OSBPL1A: variants seen among roughly 807,000 people sequenced by gnomAD.
The protein encoded by OSBPL1A is oxysterol-binding protein-related protein 1.
In OSBPL1A, 80 loss-of-function variants were observed where a neutral mutation model predicts 137.1. That is an observed-to-expected ratio of 0.58 (90% CI 0.49 to 0.70). The LOEUF (loss-of-function observed/expected upper bound fraction) is 0.70, where lower values mean the gene tolerates loss of function less well. OSBPL1A is among the 30% of genes least tolerant of loss of function. OSBPL1A has a pLI of 0.00. For synonymous variants in OSBPL1A, 365 were observed against 389.7 expected, an observed-to-expected ratio of 0.94 and a Z score of 0.75; for missense variants, 970 against 1,129.4, an observed-to-expected ratio of 0.86 and a Z score of 2.02.
intron 27 of OSBPL1A, among the ~76,000 whole-genome samples, chr18:24,163,682 C>G (rs2086073032): frequency 6.6e-6 from 1 of 151,748 alleles, no homozygotes; most frequent in African/African-American, 2.4e-5. Context: ...TACAGCATAC[C>G]CACAGCAGTA....
At chr18:24,364,251 C>T (rs1289329604) in intron 4 of OSBPL1A, among the ~76,000 whole-genome samples, 1 of 152,126 alleles carries the variant, frequency 6.6e-6, no homozygotes, top group Non-Finnish European at 1.5e-5. Flanking sequence ...CTGGGAAACT[C>T]CACACATTTG....
chr18:24,193,701 C>G (rs1272288116), intron 18 of OSBPL1A, among the ~76,000 whole-genome samples: 1 of 152,126 alleles, frequency 6.6e-6, no homozygotes, highest in African/African-American at 2.4e-5. Flanking sequence ...GAACATTTGT[C>G]TCCTATGAAC....
In OSBPL1A at chr18:24,181,183, T is replaced by C. The variant is rs146249824; in HGVS notation, c.1774A>G (p.Lys592Glu). The change falls in exon 19 of 28, where the codon AAG (lysine) becomes GAG (glutamate). Residue 592 changes from lysine (K) to glutamate (E), a missense_variant. Transcript: ENST00000319481. ...ACAGGATCAGAGAGTGAACTGGCCT[T>C]GTGGATGAGGTAAGTATGCTCCATG... ...EYMEHTYLIH[K>E]ASSLSDPVER... 2.5e-5 allele frequency: 40 copies of C among 1,614,014 alleles called. No homozygotes were observed. The African/African-American group carries it at 5.3e-4, about 22-fold the overall frequency.
intron 15 of OSBPL1A, among the ~76,000 whole-genome samples, chr18:24,272,934 C>G (rs1298289248): frequency 6.6e-6 from 1 of 152,088 alleles, no homozygotes; most frequent in Non-Finnish European, 1.5e-5. Context: ...GAGACAGAGT[C>G]TTGCTCTGTC....
At chr18:24,179,396 T>C (rs2086535937) in intron 20 of OSBPL1A, 1 of 248,754 alleles carries the variant, frequency 4.0e-6, no homozygotes, top group African/African-American at 2.3e-5. Flanking sequence ...GATATGTAAC[T>C]AACCTGCACA....
chr18:24,171,178 T>TGTGG (rs1455715000), intron 23 of OSBPL1A, among the ~76,000 whole-genome samples: 1 of 151,790 alleles, frequency 6.6e-6, no homozygotes, highest in African/African-American at 2.4e-5. Flanking sequence ...GGATTACAGG[T>TGTGG]GTCCACCACC....
chr18:24,200,250 A>G (rs944450281), intron 17 of OSBPL1A, among the ~76,000 whole-genome samples: 4 of 152,148 alleles, frequency 2.6e-5, no homozygotes, highest in Admixed American at 2.6e-4. Context: ...TCATTTTACA[A>G]CTGATGTTAA....
intron 4 of OSBPL1A, among the ~76,000 whole-genome samples, chr18:24,355,346 A>G (rs2091515186): frequency 6.6e-6 from 1 of 151,638 alleles, no homozygotes; most frequent in Non-Finnish European, 1.5e-5. Context: ...TACTAAAAAT[A>G]CAAAAAATAG....
At chr18:24,264,478 T>C (rs1031331084) in intron 15 of OSBPL1A, among the ~76,000 whole-genome samples, 1 of 152,128 alleles carries the variant, frequency 6.6e-6, no homozygotes, top group African/African-American at 2.4e-5. Context: ...CAAGAAAACA[T>C]AGTCCAGGCT....
intron 17 of OSBPL1A, among the ~76,000 whole-genome samples, chr18:24,208,397 G>A (rs1682499078): frequency 6.6e-6 from 1 of 152,114 alleles, no homozygotes; most frequent in Admixed American, 6.5e-5. Context: ...CTCACCACTG[G>A]ATAAATACAT....
At chr18:24,175,107 T>TATATATATATAC (rs1491489795) in intron 21 of OSBPL1A, among the ~76,000 whole-genome samples, 3 of 23,192 alleles carry the variant, frequency 1.3e-4, no homozygotes, top group Admixed American at 4.8e-4. Context: ...GCCATGTGTA[T>TATATATATATAC]GTATATATAT....
At chr18:24,352,685 C>G (rs1202441681) in intron 4 of OSBPL1A, among the ~76,000 whole-genome samples, 1 of 152,070 alleles carries the variant, frequency 6.6e-6, no homozygotes, top group Non-Finnish European at 1.5e-5. Context: ...GCTACAGTAA[C>G]CAAAACAGCA....
chr18:24,389,579 A>G, intron 1 of OSBPL1A, among the ~76,000 whole-genome samples: 1 of 152,136 alleles, frequency 6.6e-6, no homozygotes, highest in East Asian at 1.9e-4. Flanking sequence ...GACTTGTTAA[A>G]TTTGGTTGGA....
intron 16 of OSBPL1A, among the ~76,000 whole-genome samples, chr18:24,226,775 C>G (rs542893500): frequency 6.6e-6 from 1 of 152,106 alleles, no homozygotes; most frequent in African/African-American, 2.4e-5. Context: ...TCTAAGTTAC[C>G]TGCAGAAAGG....
chr18:24,310,430 T>TCC (rs1337688382), intron 13 of OSBPL1A, among the ~76,000 whole-genome samples: 1 of 29,226 alleles, frequency 3.4e-5, no homozygotes, highest in African/African-American at 1.3e-4. Flanking sequence ...CTACTAAAAA[T>TCC]ACAAAAAAAA....
intron 18 of OSBPL1A, among the ~76,000 whole-genome samples, chr18:24,192,106 T>C (rs1275269914): frequency 1.3e-5 from 2 of 152,152 alleles, no homozygotes; most frequent in East Asian, 1.9e-4. Context: ...ATTCTATTAC[T>C]CCAAGACATT....
chr18:24,353,953 A>T (rs1386756669), intron 4 of OSBPL1A, among the ~76,000 whole-genome samples: 1 of 150,362 alleles, frequency 6.7e-6, no homozygotes, highest in Non-Finnish European at 1.5e-5. Context: ...GCATTAGGAG[A>T]TATACCTAAT....
At chr18:24,288,232 C>A (rs1325532856) in intron 14 of OSBPL1A, among the ~76,000 whole-genome samples, 1 of 152,086 alleles carries the variant, frequency 6.6e-6, no homozygotes, top group Non-Finnish European at 1.5e-5. Context: ...TACGCTAAGA[C>A]CCAAATGCAT....
intron 14 of OSBPL1A, among the ~76,000 whole-genome samples, chr18:24,296,197 T>C (rs2146093610): frequency 6.6e-6 from 1 of 152,326 alleles, no homozygotes; most frequent in African/African-American, 2.4e-5. Context: ...TGTTTTGTAG[T>C]TTTCCTTGTA....
Sources: gnomAD v4.1 joint callset for allele counts (sites outside exome capture counted in the v4.1 genomes callset) on GRCh38, gnomAD v4.1.1 for gene constraint, MANE v1.5 for transcripts, NCBI Gene and HGNC (gene_info 2026-07-23, HGNC 2026-07-21) for gene names.